Variants in TLL1 observed in about 807,000 individuals in gnomAD.
TLL1 encodes tolloid-like protein 1.
In TLL1, 49 loss-of-function variants were observed where a neutral mutation model predicts 128.2. The ratio of observed to expected loss-of-function variants is 0.38; its 90% confidence interval spans 0.30 to 0.48. TLL1 has a LOEUF of 0.48. Ranked by LOEUF, TLL1 falls within the 20% of genes least tolerant of loss-of-function variation. TLL1 has a pLI of 0.96. For missense variants in TLL1, 1,123 were observed against 1,242.0 expected (o/e 0.90, Z 1.44); for synonymous variants, 454 against 418.8 (o/e 1.08, Z -1.03).
At chr4:166,061,538 C>T (rs565224385) in intron 15 of TLL1, among the ~76,000 whole-genome samples, 1 of 152,180 alleles carries the variant, frequency 6.6e-6, no homozygotes, top group South Asian at 2.1e-4. Flanking sequence ...AGCTACCGTG[C>T]CTGGCCTCTT....
intron 9 of TLL1, among the ~76,000 whole-genome samples, chr4:166,038,848 A>G (rs1006371527): frequency 1.3e-5 from 2 of 152,162 alleles, no homozygotes; most frequent in Admixed American, 6.5e-5. Context: ...AACATGCACA[A>G]TGATATTATA....
At chr4:166,009,205 A>G (rs1737569532) in intron 7 of TLL1, among the ~76,000 whole-genome samples, 1 of 151,470 alleles carries the variant, frequency 6.6e-6, no homozygotes, top group Non-Finnish European at 1.5e-5. Context: ...GAGTTACAGA[A>G]TTTTATTTTC....
In TLL1 at chr4:165,931,718, C is replaced by CAAA. The variant is rs761214388; in HGVS notation, c.169+57647_169+57649dup. Among the ~76,000 whole-genome samples the CAAA allele has an allele frequency of 1.5e-5, 2 of 133,488 alleles. 1 individual carries two copies. The highest frequency in any genetic ancestry group is 3.2e-5 in the Non-Finnish European group (2 of 62,796). 87.6% of individuals were successfully genotyped at this position (133,488 alleles called of 152,430 possible). ...TGGGCGACAGAGTAAGACTCTGTCTCAAAAGAAAAAAAAAAGAAATTGCAA... is the reference window on the plus strand; with the variant it reads ...TGGGCGACAGAGTAAGACTCTGTCTCAAAAAAAGAAAAAAAAAAGAAATTGCAA... On this transcript the variant is annotated intron_variant, in intron 1 of 20. Coordinates refer to ENST00000061240, the MANE Select transcript of TLL1 (RefSeq NM_012464.5).
chr4:166,071,021 T>C (rs147106869), intron 16 of TLL1, among the ~76,000 whole-genome samples: 1 of 152,014 alleles, frequency 6.6e-6, no homozygotes, highest in Non-Finnish European at 1.5e-5. Flanking sequence ...TAGTGTTTAT[T>C]GGTGCTTTTT....
chr4:166,062,492 A>G (rs1163820642), intron 15 of TLL1, among the ~76,000 whole-genome samples: 1 of 152,136 alleles, frequency 6.6e-6, no homozygotes, highest in African/African-American at 2.4e-5. Context: ...TGTGAATGGA[A>G]GTTCACTCAT....
intron 1 of TLL1, among the ~76,000 whole-genome samples, chr4:165,948,003 G>A (rs1197656050): frequency 6.6e-6 from 1 of 152,144 alleles, no homozygotes; most frequent in Non-Finnish European, 1.5e-5. Context: ...GTGCTACCTT[G>A]CAGGAAAAAA....
intron 12 of TLL1, among the ~76,000 whole-genome samples, chr4:166,051,921 T>A (rs1467813973): frequency 6.6e-6 from 1 of 152,208 alleles, no homozygotes. Context: ...TTTAACCCTA[T>A]AATTAGCTAT....
chr4:166,085,076 G>T (rs904603749), intron 18 of TLL1, among the ~76,000 whole-genome samples: 27 of 151,994 alleles, frequency 1.8e-4, no homozygotes, highest in African/African-American at 6.5e-4. Context: ...TTCTTTTTCA[G>T]ATAGTTTATT....
intron 15 of TLL1, among the ~76,000 whole-genome samples, chr4:166,062,665 C>G (rs1740377119): frequency 6.6e-6 from 1 of 152,132 alleles, no homozygotes; most frequent in African/African-American, 2.4e-5. Flanking sequence ...CATCTGCAAA[C>G]AGGGACAATT....
intron 9 of TLL1, among the ~76,000 whole-genome samples, chr4:166,032,402 A>G (rs537172951): frequency 1.4e-4 from 22 of 152,126 alleles, no homozygotes; most frequent in Non-Finnish European, 2.8e-4. Context: ...CAATGGTAAT[A>G]TGGGGGAGTG....
At chr4:166,040,420 A>G (rs1005353933) in intron 10 of TLL1, among the ~76,000 whole-genome samples, 3 of 152,250 alleles carry the variant, frequency 2.0e-5, no homozygotes, top group Non-Finnish European at 2.9e-5. Flanking sequence ...CAAGCCAAAG[A>G]AAATATTTCA....
At position 166,104,439 on chromosome 4, in the gene TLL1, T is replaced by C. The variant is rs1742423683; in HGVS notation, c.*3563T>C. ...CATGGGAGGAGGAGAGCAGAAAATA[T>C]AATTGCCTTCTAAAGATATATAATT... On this transcript the variant is annotated 3_prime_UTR_variant, in exon 21 of 21. Coordinates refer to ENST00000061240, the MANE Select transcript of TLL1 (RefSeq NM_012464.5). Among the ~76,000 whole-genome samples the C allele has an allele frequency of 1.3e-5, 2 of 151,950 alleles. No individual in the cohort carries two copies. Among genetic ancestry groups the C allele is most frequent in the South Asian group, 4.1e-4 (2 of 4,830 alleles).
chr4:165,929,923 T>C (rs1191149465), intron 1 of TLL1, among the ~76,000 whole-genome samples: 1 of 152,236 alleles, frequency 6.6e-6, no homozygotes, highest in African/African-American at 2.4e-5. Context: ...GTTTATATGA[T>C]TAAGTTTGAA....
chr4:166,087,242 C>T (rs1741564745), intron 18 of TLL1, among the ~76,000 whole-genome samples: 1 of 152,050 alleles, frequency 6.6e-6, no homozygotes, highest in Middle Eastern at 3.2e-3. Context: ...TTTTGGAGTT[C>T]TGCTATATAA....
Position 166,057,211 on chromosome 4 carries a change from G to T in TLL1, c.1748G>T (p.Arg583Leu), listed in dbSNP as rs141877254. The T allele has an allele frequency of 2.5e-6, 4 of 1,613,866 alleles. No homozygotes were observed. The highest frequency in any genetic ancestry group is 3.4e-6 in the Non-Finnish European group (4 of 1,179,922). ...KEEDECAKPD[R>L]GGCEQRCLNT... ...GAAGATGAGTGTGCCAAACCTGACC[G>T]TGGAGGCTGTGAGCAGCGATGTCTG... is the stretch of plus-strand genomic sequence containing the variant. Residue 583 changes from arginine (R) to leucine (L), a missense_variant, in exon 14 of 21, where the codon CGT becomes CTT. Physicochemically the swap from Arg to Leu is moderately radical, Grantham distance 102. Coordinates refer to ENST00000061240, the MANE Select transcript of TLL1 (RefSeq NM_012464.5).
chr4:166,048,967 C>T (rs73863534), intron 12 of TLL1, among the ~76,000 whole-genome samples: 18,230 of 152,098 alleles, frequency 0.12, 1,156 homozygotes, highest in African/African-American at 0.17. Flanking sequence ...AAGTAATCCT[C>T]TAAATCCTTT....
intron 7 of TLL1, among the ~76,000 whole-genome samples, chr4:166,009,511 C>T (rs796498574): frequency 2.8e-4 from 42 of 151,370 alleles, no homozygotes; most frequent in Middle Eastern, 6.8e-3. Flanking sequence ...TCTTGTTGCC[C>T]GTAGTCCACC....
At chr4:165,943,640 C>A (rs535289708) in intron 1 of TLL1, among the ~76,000 whole-genome samples, 9 of 151,938 alleles carry the variant, frequency 5.9e-5, no homozygotes, top group African/African-American at 2.2e-4. Flanking sequence ...TGTTTCCTAT[C>A]GTCTTCCTAA....
At chr4:166,057,138 C>T in intron 13 of TLL1, 46 bp from the exon 14 acceptor site, 1 of 1,603,460 alleles carries the variant, frequency 6.2e-7, no homozygotes, top group South Asian at 1.1e-5. Flanking sequence ...CATACATACA[C>T]ACATATATAT....
Sources: gnomAD v4.1 joint callset for allele counts (sites outside exome capture counted in the v4.1 genomes callset) on GRCh38, gnomAD v4.1.1 for gene constraint, MANE v1.5 for transcripts, NCBI Gene and HGNC (gene_info 2026-07-23, HGNC 2026-07-21) for gene names.